Variants in ZFAT observed in about 807,000 individuals in gnomAD.
The protein encoded by ZFAT is zinc finger and AT-hook domain containing.
A neutral mutation model predicts 117.7 loss-of-function variants in ZFAT; 64 were observed. That is an observed-to-expected ratio of 0.54 (90% CI 0.44 to 0.67). The LOEUF (loss-of-function observed/expected upper bound fraction) is 0.67. Among genes scored for constraint, ZFAT ranks in the 30% least tolerant of loss-of-function variants. The probability of loss-of-function intolerance (pLI) is 0.00; values close to 1 mark genes in which losing one functional copy is unlikely to be tolerated. For synonymous variants in ZFAT, 679 were observed against 615.0 expected (o/e 1.10, Z -1.54); for missense variants, 1,433 against 1,584.5 (o/e 0.90, Z 1.62).
intron 2 of ZFAT, among the ~76,000 whole-genome samples, chr8:134,647,664 A>G (rs1420364170): frequency 1.3e-5 from 2 of 152,246 alleles, no homozygotes; most frequent in Non-Finnish European, 2.9e-5. Flanking sequence ...GATAATGTAT[A>G]AAGTTACAAA....
chr8:134,684,853 C>G (rs376291792), intron 1 of ZFAT, among the ~76,000 whole-genome samples: 1 of 152,234 alleles, frequency 6.6e-6, no homozygotes, highest in East Asian at 1.9e-4. Context: ...AATGTGGGGG[C>G]TGGGTGCGAG....
At chr8:134,494,994 G>T (rs545203720) in intron 15 of ZFAT, among the ~76,000 whole-genome samples, 3 of 152,286 alleles carry the variant, frequency 2.0e-5, no homozygotes, top group Admixed American at 6.5e-5. Flanking sequence ...AGAGTAGGAA[G>T]ATCTACTTAA....
intron 11 of ZFAT, among the ~76,000 whole-genome samples, chr8:134,539,642 A>C (rs935166736): frequency 6.6e-6 from 1 of 152,216 alleles, no homozygotes; most frequent in Non-Finnish European, 1.5e-5. Flanking sequence ...GTATCAGAAA[A>C]TTTGGATTCA....
At chr8:134,662,751 C>A (rs1831994983) in intron 1 of ZFAT, among the ~76,000 whole-genome samples, 1 of 152,216 alleles carries the variant, frequency 6.6e-6, no homozygotes. Context: ...AATAAGAGGT[C>A]TGGTCAGCAG....
chr8:134,782,996 C>T, the ZFAT span, among the ~76,000 whole-genome samples: 2 of 152,004 alleles, frequency 1.3e-5, no homozygotes, highest in African/African-American at 4.8e-5. Context: ...TATATACACA[C>T]ACACACATTT....
intron 2 of ZFAT, among the ~76,000 whole-genome samples, chr8:134,645,982 C>T (rs1244700522): frequency 4.6e-5 from 7 of 151,966 alleles, no homozygotes; most frequent in Non-Finnish European, 8.8e-5. Context: ...GCGGGTGGAT[C>T]ACAAGGTCAG....
intron 11 of ZFAT, among the ~76,000 whole-genome samples, chr8:134,557,976 T>C (rs1028315502): frequency 6.6e-6 from 1 of 152,242 alleles, no homozygotes; most frequent in Non-Finnish European, 1.5e-5. Flanking sequence ...GTACACTGTC[T>C]AGCAGATTAT....
At chr8:134,534,342 C>T (rs749054075) in intron 11 of ZFAT, among the ~76,000 whole-genome samples, 3 of 152,232 alleles carry the variant, frequency 2.0e-5, no homozygotes, top group Non-Finnish European at 4.4e-5. Context: ...TCAAACACTA[C>T]CTTTACTCCT....
rs542756960 is a variant in ZFAT, at chr8:134,564,947, C to T, written c.2976+386G>A. On this transcript the variant is annotated intron_variant, in intron 11 of 15. Coordinates refer to ENST00000377838, the MANE Select transcript of ZFAT (RefSeq NM_020863.4). ...ATCTCCAGTTTTTACAACTGCTTGC[C>T]GGGTGGGCTTCATCACACCTGCTTT... is the stretch of plus-strand genomic sequence containing the variant. 8.8e-5 allele frequency: 107 copies of T among 1,212,630 alleles called. 1 individual carries two copies. The African/African-American group carries it at 1.3e-3, about 15-fold the overall frequency. The allele number at this position is 1,212,630 out of a possible 1,614,324, so 75.1% of individuals were successfully genotyped here.
At chr8:134,521,740 T>C (rs1014841825) in intron 12 of ZFAT, among the ~76,000 whole-genome samples, 1 of 152,224 alleles carries the variant, frequency 6.6e-6, no homozygotes, top group Admixed American at 6.5e-5. Flanking sequence ...GAACAGATTG[T>C]GCCTTCAGAA....
At chr8:134,623,055 C>T (rs1053125270) in intron 3 of ZFAT, among the ~76,000 whole-genome samples, 5 of 152,150 alleles carry the variant, frequency 3.3e-5, no homozygotes, top group African/African-American at 1.2e-4. Context: ...TGATGGCTCC[C>T]CCAGGCCATC....
chr8:134,494,023 C>A (rs1004429988), intron 15 of ZFAT, among the ~76,000 whole-genome samples: 1 of 152,206 alleles, frequency 6.6e-6, no homozygotes, highest in Non-Finnish European at 1.5e-5. Context: ...GTGCATAATA[C>A]TTGACTTTCT....
At chr8:134,579,046 C>T (rs1039975241) in intron 10 of ZFAT, among the ~76,000 whole-genome samples, 1 of 152,204 alleles carries the variant, frequency 6.6e-6, no homozygotes, top group East Asian at 1.9e-4. Flanking sequence ...GCCAAAAATA[C>T]TTACAATCTC....
the ZFAT span, among the ~76,000 whole-genome samples, chr8:134,826,909 T>TG: frequency 4.6e-5 from 7 of 152,196 alleles, no homozygotes; most frequent in Admixed American, 4.6e-4. Flanking sequence ...ATAGGTAAGA[T>TG]GATCCAACAC....
rs564354777 is a variant in ZFAT at position 134,644,064 on chromosome 8, C to T, written c.197-6352G>A. ...CTCCTTTTACCCTCACATTAGAGGACGTCTTTAGCAGCCTGAACTTAACCG... is the reference window on the plus strand; with the variant it reads ...CTCCTTTTACCCTCACATTAGAGGATGTCTTTAGCAGCCTGAACTTAACCG... On this transcript the variant is annotated intron_variant, in intron 2 of 15. Coordinates refer to ENST00000377838, the MANE Select transcript of ZFAT (RefSeq NM_020863.4). 6.8e-4 allele frequency among the ~76,000 whole-genome samples: 103 copies of T among 152,312 alleles called. 1 individual carries two copies. The highest frequency in any genetic ancestry group is 1.3e-3 in the Non-Finnish European group (89 of 68,032).
At chr8:134,790,363 C>G in the ZFAT span, among the ~76,000 whole-genome samples, 3 of 152,222 alleles carry the variant, frequency 2.0e-5, no homozygotes, top group East Asian at 5.8e-4. Flanking sequence ...CTAAATGGGC[C>G]AAGAGCAATT....
At chr8:134,735,213 A>C in the ZFAT span, among the ~76,000 whole-genome samples, 2 of 152,194 alleles carry the variant, frequency 1.3e-5, no homozygotes, top group African/African-American at 4.8e-5. Context: ...AAAATTATAT[A>C]GAAAATTTTG....
At chr8:134,631,030 C>A (rs567521381) in intron 3 of ZFAT, among the ~76,000 whole-genome samples, 6 of 152,210 alleles carry the variant, frequency 3.9e-5, no homozygotes, top group Non-Finnish European at 5.9e-5. Context: ...GGCATAAGGT[C>A]ATTTCTGCAT....
intron 10 of ZFAT, among the ~76,000 whole-genome samples, chr8:134,568,137 A>G (rs1368758412): frequency 6.6e-6 from 1 of 152,250 alleles, no homozygotes. Context: ...TTATATGAAC[A>G]TCAGCCTCAA....
Sources: gnomAD v4.1 joint callset for allele counts (sites outside exome capture counted in the v4.1 genomes callset) on GRCh38, gnomAD v4.1.1 for gene constraint, MANE v1.5 for transcripts, NCBI Gene and HGNC (gene_info 2026-07-23, HGNC 2026-07-21) for gene names.